Variants in PTPRN2 observed in about 807,000 individuals in gnomAD.
PTPRN2 encodes the protein protein tyrosine phosphatase receptor type N2, also known as receptor-type tyrosine-protein phosphatase N2.
A neutral mutation model predicts 118.8 loss-of-function variants in PTPRN2; 74 were observed. The ratio of observed to expected loss-of-function variants is 0.62; its 90% CI spans 0.52 to 0.76. PTPRN2 has a LOEUF of 0.76. PTPRN2 is among the 30% of genes least tolerant of loss of function. The pLI is 0.00. For synonymous variants in PTPRN2, 641 were observed against 608.0 expected, an observed-to-expected ratio of 1.05 and a Z score of -0.80; for missense variants, 1,481 against 1,394.4, an observed-to-expected ratio of 1.06 and a Z score of -0.99.
intron 12 of PTPRN2, among the ~76,000 whole-genome samples, chr7:157,791,285 C>T (rs536984665): frequency 2.0e-4 from 31 of 151,782 alleles, no homozygotes; most frequent in Non-Finnish European, 3.2e-4. Context: ...GTATTTTCAG[C>T]AAATCATGGA....
chr7:158,314,247 G>A (rs1233432711), intron 3 of PTPRN2, among the ~76,000 whole-genome samples: 1 of 152,164 alleles, frequency 6.6e-6, no homozygotes, highest in Non-Finnish European at 1.5e-5. Context: ...GCCTCCACTC[G>A]CACGTCCAGC....
chr7:158,471,762 A>T (rs1438055430), intron 2 of PTPRN2, among the ~76,000 whole-genome samples: 1 of 152,256 alleles, frequency 6.6e-6, no homozygotes. Flanking sequence ...AATAAAGAAA[A>T]GGAAAACTCT....
chr7:157,799,749 C>T (rs1046512957), intron 12 of PTPRN2, among the ~76,000 whole-genome samples: 10 of 150,568 alleles, frequency 6.6e-5, no homozygotes, highest in Non-Finnish European at 1.3e-4. Context: ...GCATCACGAA[C>T]CACCTCCCGA....
At chr7:157,576,220 A>G (rs1052388562) in intron 19 of PTPRN2, among the ~76,000 whole-genome samples, 17 of 152,220 alleles carry the variant, frequency 1.1e-4, no homozygotes, top group Admixed American at 9.2e-4. Context: ...GCAGGGTGGT[A>G]TCTGGGCCTG....
intron 12 of PTPRN2, among the ~76,000 whole-genome samples, chr7:157,751,148 G>A (rs560443065): frequency 2.0e-5 from 3 of 152,182 alleles, no homozygotes; most frequent in African/African-American, 4.8e-5. Context: ...ACCTGCAGCC[G>A]CAGGACCAAG....
chr7:157,899,148 C>T (rs1356284066), intron 11 of PTPRN2, among the ~76,000 whole-genome samples: 3 of 152,188 alleles, frequency 2.0e-5, no homozygotes, highest in African/African-American at 2.4e-5. Flanking sequence ...TAAAAGACTC[C>T]GTAGAAGGCA....
intron 6 of PTPRN2, among the ~76,000 whole-genome samples, chr7:158,165,238 G>A (rs1454256016): frequency 6.6e-6 from 1 of 152,098 alleles, no homozygotes; most frequent in Non-Finnish European, 1.5e-5. Flanking sequence ...GCAAGTGCAG[G>A]AGGCAGGACC....
chr7:158,012,194 C>T lies in PTPRN2; in HGVS notation c.1723+69104G>A, dbSNP rs574015388. The stretch of plus-strand genomic sequence containing the variant: ...TGTGCACTGTTCTTAGTGTCTGACA[C>T]GTGCCTTTCGGAAGCAGATGTTTAA... On this transcript the variant is annotated intron_variant, in intron 11 of 22. Transcript: ENST00000389418. Among the ~76,000 whole-genome samples, 11 of 152,276 alleles carry T rather than the reference C, an allele frequency of 7.2e-5. No homozygotes were observed. The East Asian group carries it at 1.7e-3, about 24-fold the overall frequency.
intron 11 of PTPRN2, among the ~76,000 whole-genome samples, chr7:157,951,868 A>T (rs1414632142): frequency 6.6e-6 from 1 of 152,094 alleles, no homozygotes; most frequent in African/African-American, 2.4e-5. Context: ...GTTGGCAGGG[A>T]CTGGCTGGCT....
At chr7:158,300,981 T>C (rs1800847900) in intron 3 of PTPRN2, among the ~76,000 whole-genome samples, 1 of 152,196 alleles carries the variant, frequency 6.6e-6, no homozygotes, top group Non-Finnish European at 1.5e-5. Flanking sequence ...AGATTCTGCA[T>C]GTGAATTAAA....
intron 12 of PTPRN2, among the ~76,000 whole-genome samples, chr7:157,752,373 G>C (rs1801526240): frequency 6.6e-6 from 1 of 152,218 alleles, no homozygotes; most frequent in Non-Finnish European, 1.5e-5. Flanking sequence ...GAGGGGGCAG[G>C]CTTCAGGATG....
chr7:158,431,218 C>T (rs982431520), intron 2 of PTPRN2, among the ~76,000 whole-genome samples: 2 of 151,698 alleles, frequency 1.3e-5, no homozygotes, highest in Non-Finnish European at 2.9e-5. Context: ...CCCACACTGG[C>T]TTACACTGGG....
At chr7:158,424,585 T>A (rs1815540212) in intron 2 of PTPRN2, among the ~76,000 whole-genome samples, 1 of 152,234 alleles carries the variant, frequency 6.6e-6, no homozygotes, top group African/African-American at 2.4e-5. Flanking sequence ...CATACACACA[T>A]GCCAGCACGC....
chr7:157,589,877 C>CG (rs1800889708), intron 17 of PTPRN2, among the ~76,000 whole-genome samples: 1 of 152,212 alleles, frequency 6.6e-6, no homozygotes, highest in Non-Finnish European at 1.5e-5. Context: ...CTGACAGCGG[C>CG]GGCGTGGATG....
At chr7:157,656,595 G>A (rs1485504308) in intron 13 of PTPRN2, 44 bp from the exon 14 acceptor site, 2 of 1,466,142 alleles carry the variant, frequency 1.4e-6, no homozygotes, top group Non-Finnish European at 9.2e-7. Flanking sequence ...GTGGCATTGG[G>A]GACACCCAGC....
intron 1 of PTPRN2, among the ~76,000 whole-genome samples, chr7:158,523,219 G>A (rs548487962): frequency 1.3e-4 from 20 of 152,152 alleles, no homozygotes; most frequent in African/African-American, 3.4e-4. Context: ...GAGCCCCAGT[G>A]TGACCAGGGG....
intron 6 of PTPRN2, among the ~76,000 whole-genome samples, chr7:158,164,882 T>C (rs1470397767): frequency 6.6e-6 from 1 of 152,120 alleles, no homozygotes; most frequent in African/African-American, 2.4e-5. Context: ...ACCTCAGCCA[T>C]GTATTCACCG....
chr7:158,274,038 G>A (rs1315757559), intron 3 of PTPRN2, among the ~76,000 whole-genome samples: 12 of 133,792 alleles, frequency 9.0e-5, no homozygotes, highest in Non-Finnish European at 1.4e-4. Context: ...GCAGACACAG[G>A]AGGAGACACA....
At chr7:158,505,143 C>T (rs1822651360) in intron 1 of PTPRN2, among the ~76,000 whole-genome samples, 1 of 152,172 alleles carries the variant, frequency 6.6e-6, no homozygotes, top group South Asian at 2.1e-4. Flanking sequence ...ATAAATCACT[C>T]AGGGACCTGC....
Sources: gnomAD v4.1 joint callset for allele counts (sites outside exome capture counted in the v4.1 genomes callset) on GRCh38, gnomAD v4.1.1 for gene constraint, MANE v1.5 for transcripts, NCBI Gene and HGNC (gene_info 2026-07-23, HGNC 2026-07-21) for gene names.